Variants in TG observed in about 807,000 individuals in gnomAD.
TG encodes thyroid hormones.
In TG, 270 loss-of-function variants were observed where a neutral mutation model predicts 324.7. The observed-to-expected ratio is 0.83, with a 90% CI of 0.75 to 0.92. The LOEUF (loss-of-function observed/expected upper bound fraction) is 0.92, where lower values mean the gene tolerates loss of function less well. TG is among the 40% of genes least tolerant of loss of function. The probability of loss-of-function intolerance (pLI) is 0.00; values close to 1 mark genes in which losing one functional copy is unlikely to be tolerated. For missense variants in TG, 3,591 were observed against 3,456.4 expected (o/e 1.04, Z -0.98); for synonymous variants, 1,401 against 1,327.0 (o/e 1.06, Z -1.21).
chr8:132,917,388 A>ATGTGTG (rs34975986), intron 20 of TG, among the ~76,000 whole-genome samples: 48 of 149,998 alleles, frequency 3.2e-4, no homozygotes, highest in East Asian at 9.9e-4. Flanking sequence ...GTGCATGTAT[A>ATGTGTG]TGTGTGTGTG....
At position 132,929,163 on chromosome 8, in the gene TG, C is replaced by G. The variant is rs1431578455; in HGVS notation, c.4787C>G (p.Ser1596Cys). 6.2e-7 allele frequency: 1 copy of G among 1,614,118 alleles called. No homozygotes were observed. Among genetic ancestry groups the G allele is most frequent in the Non-Finnish European group, 8.5e-7 (1 of 1,180,000 alleles). Residue 1596 changes from serine (S) to cysteine (C), a missense_variant, in exon 23 of 48, where the codon TCT (serine) becomes TGT (cysteine). By Grantham distance (112) the Ser-to-Cys change is moderately radical. Coordinates refer to ENST00000220616, the MANE Select transcript of TG (RefSeq NM_003235.5). ...PVAVRSKVPD[S>C]EFPVMQCLTD... ...GCTGTCAGATCCAAAGTTCCTGATT[C>G]TGAGTTCCCCGTGATGCAGTGCTTG...
chr8:133,112,370 G>C (rs987176701), intron 43 of TG, among the ~76,000 whole-genome samples: 42 of 152,192 alleles, frequency 2.8e-4, no homozygotes, highest in Non-Finnish European at 1.9e-4. Flanking sequence ...GGCCCAGGAG[G>C]CTGGGCCTCA....
At chr8:133,006,404 C>T (rs943897678) in intron 35 of TG, among the ~76,000 whole-genome samples, 1 of 152,224 alleles carries the variant, frequency 6.6e-6, no homozygotes, top group African/African-American at 2.4e-5. Context: ...CTTTGGAATT[C>T]TTGTCACATT....
At chr8:132,868,647 C>T (rs1446930150) in intron 2 of TG, among the ~76,000 whole-genome samples, 3 of 152,102 alleles carry the variant, frequency 2.0e-5, no homozygotes, top group Non-Finnish European at 4.4e-5. Flanking sequence ...GCCTTGACTT[C>T]CTAGTCCTTA....
At chr8:132,937,623 A>T (rs1030688818) in intron 25 of TG, among the ~76,000 whole-genome samples, 3 of 152,206 alleles carry the variant, frequency 2.0e-5, no homozygotes, top group Admixed American at 2.0e-4. Flanking sequence ...TTCTTTTTAA[A>T]TAACAAAACA....
intron 41 of TG, among the ~76,000 whole-genome samples, chr8:133,092,623 G>T (rs936114271): frequency 2.0e-5 from 3 of 152,166 alleles, no homozygotes; most frequent in African/African-American, 7.2e-5. Context: ...ATGGTTGATT[G>T]TTCTCATCAC....
chr8:133,099,889 C>T (rs1428874730), intron 43 of TG, among the ~76,000 whole-genome samples: 1 of 152,192 alleles, frequency 6.6e-6, no homozygotes, highest in African/African-American at 2.4e-5. Flanking sequence ...TGCTAGCCCC[C>T]AACTCTCTCT....
chr8:133,131,337 C>T (rs961875076), intron 45 of TG, among the ~76,000 whole-genome samples: 17 of 152,184 alleles, frequency 1.1e-4, no homozygotes, highest in African/African-American at 4.1e-4. Context: ...TACTGTGCTG[C>T]GGTGGGCTTC....
At chr8:132,953,535 A>G (rs1826409352) in intron 27 of TG, among the ~76,000 whole-genome samples, 1 of 152,208 alleles carries the variant, frequency 6.6e-6, no homozygotes, top group Admixed American at 6.5e-5. Flanking sequence ...TAAAAGCTTC[A>G]TTCAGGTCAC....
chr8:133,106,129 T>TG (rs1036528494), intron 43 of TG, among the ~76,000 whole-genome samples: 2 of 151,586 alleles, frequency 1.3e-5, no homozygotes, highest in Non-Finnish European at 1.5e-5. Context: ...AAAGAGCCAG[T>TG]GGGGGGGTTT....
At chr8:133,122,733 T>C (rs1418538259) in intron 45 of TG, among the ~76,000 whole-genome samples, 2 of 152,208 alleles carry the variant, frequency 1.3e-5, no homozygotes, top group African/African-American at 2.4e-5. Context: ...TGAATGTCTC[T>C]GCGTGTGAGT....
intron 34 of TG, among the ~76,000 whole-genome samples, chr8:132,980,808 A>T (rs1187313390): frequency 6.6e-6 from 1 of 152,196 alleles, no homozygotes; most frequent in African/African-American, 2.4e-5. Context: ...CAGATGTGGT[A>T]TCAGAAATGT....
rs1320423854 is a variant in TG at position 132,882,262 on chromosome 8, T to A, written c.746-207T>A. Among the ~76,000 whole-genome samples the A allele has an allele frequency of 2.6e-5, 4 of 152,250 alleles. 1 individual carries two copies. Among genetic ancestry groups the A allele is most frequent in the Non-Finnish European group, 5.9e-5 (4 of 68,046 alleles). On this transcript the variant is annotated intron_variant, in intron 6 of 47. Transcript: ENST00000220616. ...GCACAGGATGGATTTAATCTCTTAT[T>A]CTATAAGCACTGCTCCTTTGTTTCT...
intron 24 of TG, among the ~76,000 whole-genome samples, chr8:132,934,103 C>T (rs925022346): frequency 3.9e-5 from 6 of 152,104 alleles, no homozygotes; most frequent in African/African-American, 9.7e-5. Context: ...GAGGCCTAGG[C>T]GGGTGGATCA....
chr8:132,882,382 GTCTC>G, intron 6 of TG, 83 bp from the exon 7 acceptor site: 1 of 1,481,854 alleles, frequency 6.7e-7, no homozygotes, highest in Non-Finnish European at 9.4e-7. Flanking sequence ...GGTGAAGGCT[GTCTC>G]TCTCAGTATC....
In TG at chr8:133,002,193, A is replaced by G. The variant is rs1021684665; in HGVS notation, c.6263-9708A>G. 5.1e-6 allele frequency: 5 copies of G among 985,430 alleles called. No homozygotes were observed. In the South Asian group the frequency reaches 2.3e-4, roughly 46 times the overall value. The allele number at this position is 985,430 out of a possible 1,614,324, so 61.0% of individuals were successfully genotyped here. A position where few individuals can be genotyped will look rare whatever the true frequency, so the allele number is the denominator to read the frequency against. ...TTTCCGCCTGTTTTTCAAATGAGGG[A>G]GGCAATGGCCAGAGCAGAAGCTCAC... On this transcript the variant is annotated intron_variant, in intron 35 of 47. Coordinates refer to ENST00000220616, the MANE Select transcript of TG (RefSeq NM_003235.5).
intron 35 of TG, chr8:133,003,352 G>A (rs1263878759): frequency 1.3e-5 from 2 of 151,396 alleles, no homozygotes; most frequent in African/African-American, 4.8e-5. Context: ...ATTAAAAAAG[G>A]GAATCATTGT....
rs773024597 is a variant in TG, at chr8:132,887,337, G to A, written c.1965G>A (p.Gln655=). 2.9e-5 allele frequency: 47 copies of A among 1,611,880 alleles called. No homozygotes were observed. Among genetic ancestry groups the A allele is most frequent in the Non-Finnish European group, 3.9e-5 (46 of 1,178,214 alleles). ...ELPGSRVRGG[Q]PRCPTDCEKQ... is the part of the protein sequence containing the mutation. ...CAGGCTCAAGAGTCAGAGGTGGACA[G>A]CCAAGGTGCCCCACAGACTGTGAAA... Residue 655 remains glutamine (Q), a synonymous_variant, in exon 9 of 48, where the codon CAG becomes CAA. Coordinates refer to ENST00000220616, the MANE Select transcript of TG (RefSeq NM_003235.5).
rs551298099 is a variant in TG at position 133,033,531 on chromosome 8, T to A, written c.7239+3508T>A. Among the ~76,000 whole-genome samples, 3 of 152,316 alleles carry A rather than the reference T, an allele frequency of 2.0e-5. No individual in the cohort carries two copies. The East Asian group carries it at 5.8e-4, about 29-fold the overall frequency. On this transcript the variant is annotated intron_variant, in intron 41 of 47. Coordinates refer to ENST00000220616, the MANE Select transcript of TG (RefSeq NM_003235.5). ...CATTCCTCAGGGTGAACTCCTGACC[T>A]CAGGAATCAGCCTCAAGCTAAATTT... is the stretch of plus-strand genomic sequence containing the variant.
Sources: gnomAD v4.1 joint callset for allele counts (sites outside exome capture counted in the v4.1 genomes callset) on GRCh38, gnomAD v4.1.1 for gene constraint, MANE v1.5 for transcripts, NCBI Gene and HGNC (gene_info 2026-07-23, HGNC 2026-07-21) for gene names.